Variants in MORF4L1 observed in about 807,000 individuals in gnomAD.
MORF4L1 encodes the protein mortality factor 4 like 1, also known as mortality factor 4-like protein 1.
In MORF4L1, 4 loss-of-function variants were observed where a neutral mutation model predicts 52.9. The observed-to-expected ratio is 0.08, with a 90% CI of 0.04 to 0.17. MORF4L1 has a LOEUF of 0.17. Ranked by LOEUF, MORF4L1 falls within the 10% of genes least tolerant of loss-of-function variation. The pLI, the probability that MORF4L1 is intolerant of heterozygous loss-of-function variation, is 1.00. For synonymous variants in MORF4L1, 123 were observed against 134.8 expected, an observed-to-expected ratio of 0.91 and a Z score of 0.61; for missense variants, 214 against 390.4, an observed-to-expected ratio of 0.55 and a Z score of 3.81.
chr15:78,885,046 G>A, intron 3 of MORF4L1: 1 of 1,614,060 alleles, frequency 6.2e-7, no homozygotes, highest in Non-Finnish European at 8.5e-7. Context: ...TGTTCCTGAA[G>A]GAGCTCCCTC....
At chr15:78,879,646 C>G (rs1032980510) in intron 2 of MORF4L1, among the ~76,000 whole-genome samples, 1 of 151,970 alleles carries the variant, frequency 6.6e-6, no homozygotes, top group African/African-American at 2.4e-5. Flanking sequence ...TGCTAAATTA[C>G]GACTCATGGC....
In MORF4L1 at chr15:78,886,782, C is replaced by T. The variant is rs375891137; in HGVS notation, c.243-487C>T. ...CATCCTGGCTAACACGGTGAAACCC[C>T]GTCTCTACTAAAAATTCAAAAAATT... On this transcript the variant is annotated intron_variant, in intron 4 of 11. Transcript: ENST00000426013. Among the ~76,000 whole-genome samples the T allele has an allele frequency of 2.1e-4, 32 of 152,112 alleles. No homozygotes were observed. The East Asian group carries it at 4.4e-3, about 21-fold the overall frequency.
At chr15:78,886,828 G>A (rs1347654966) in intron 4 of MORF4L1, among the ~76,000 whole-genome samples, 4 of 151,992 alleles carry the variant, frequency 2.6e-5, no homozygotes, top group Admixed American at 1.3e-4. Flanking sequence ...GGTGGCGGGC[G>A]CCTGTAGTCC....
At chr15:78,874,164 A>G (rs539960654) in intron 1 of MORF4L1, among the ~76,000 whole-genome samples, 1 of 152,340 alleles carries the variant, frequency 6.6e-6, no homozygotes, top group African/African-American at 2.4e-5. Flanking sequence ...CTGTTGAGAA[A>G]GGAGGAACAC....
intron 2 of MORF4L1, among the ~76,000 whole-genome samples, chr15:78,879,507 A>G (rs1157836796): frequency 6.6e-6 from 1 of 152,210 alleles, no homozygotes; most frequent in Non-Finnish European, 1.5e-5. Context: ...GGTGTGAGCC[A>G]TTGCCCCTTG....
intron 3 of MORF4L1, chr15:78,884,940 T>G (rs760390916): frequency 6.5e-7 from 1 of 1,540,286 alleles, no homozygotes; most frequent in South Asian, 1.2e-5. Flanking sequence ...TCACTGAGAT[T>G]ACTTTGTACT....
intron 3 of MORF4L1, among the ~76,000 whole-genome samples, chr15:78,884,682 C>T (rs1024245396): frequency 8.5e-6 from 1 of 117,048 alleles, no homozygotes; most frequent in Admixed American, 9.2e-5. Flanking sequence ...CACACACACA[C>T]ACACAAATAT....
chr15:78,875,209 A>AT (rs1294334857), intron 1 of MORF4L1, among the ~76,000 whole-genome samples: 2 of 152,210 alleles, frequency 1.3e-5, no homozygotes, highest in Non-Finnish European at 2.9e-5. Context: ...GTCAAGGCAC[A>AT]AAAAGTTAAT....
chr15:78,879,106 C>G (rs2056550958), intron 2 of MORF4L1, among the ~76,000 whole-genome samples: 1 of 152,018 alleles, frequency 6.6e-6, no homozygotes, highest in South Asian at 2.1e-4. Flanking sequence ...CGCGGTGGCA[C>G]ATGCATGTAG....
chr15:78,877,022 C>T (rs186547598), intron 1 of MORF4L1, among the ~76,000 whole-genome samples: 8 of 151,816 alleles, frequency 5.3e-5, no homozygotes, highest in Admixed American at 5.3e-4. Flanking sequence ...TCACTGCGAC[C>T]TCCAGCTCCT....
intron 5 of MORF4L1, among the ~76,000 whole-genome samples, chr15:78,888,591 C>T (rs540666678): frequency 2.6e-5 from 4 of 151,964 alleles, no homozygotes; most frequent in African/African-American, 9.7e-5. Context: ...AATTACTGAT[C>T]TGATTTTTCT....
chr15:78,879,326 A>G (rs185405191), intron 2 of MORF4L1, among the ~76,000 whole-genome samples: 3 of 152,094 alleles, frequency 2.0e-5, no homozygotes, highest in Admixed American at 6.5e-5. Context: ...GGTTGAAGCA[A>G]TTCTCCTGCC....
At chr15:78,888,372 T>A (rs1292344991) in intron 5 of MORF4L1, among the ~76,000 whole-genome samples, 4 of 151,506 alleles carry the variant, frequency 2.6e-5, no homozygotes, top group Non-Finnish European at 5.9e-5. Context: ...GAGGCCGATG[T>A]GGGAGGGTCA....
chr15:78,879,876 C>T (rs985405420), intron 2 of MORF4L1, among the ~76,000 whole-genome samples: 3 of 151,816 alleles, frequency 2.0e-5, no homozygotes, highest in Admixed American at 1.3e-4. Flanking sequence ...GCTGATTTTT[C>T]TCCTGGCACC....
At chr15:78,894,437 C>T in intron 10 of MORF4L1, 2 of 359,000 alleles carry the variant, frequency 5.6e-6, no homozygotes, top group South Asian at 5.1e-5. Context: ...TTGAGACAGA[C>T]AGTCTCTGTT....
chr15:78,889,708 A>G (rs1365045636), intron 5 of MORF4L1, among the ~76,000 whole-genome samples: 2 of 152,224 alleles, frequency 1.3e-5, no homozygotes, highest in East Asian at 1.9e-4. Context: ...GAGAAAACCT[A>G]TACACAGATT....
At chr15:78,896,097 G>C (rs1186691560) in intron 11 of MORF4L1, among the ~76,000 whole-genome samples, 2 of 152,004 alleles carry the variant, frequency 1.3e-5, no homozygotes, top group South Asian at 2.1e-4. Flanking sequence ...TTGGGCCTCA[G>C]CCTCCCAAGT....
chr15:78,881,934 G>A (rs1686213543), intron 3 of MORF4L1, among the ~76,000 whole-genome samples: 1 of 152,120 alleles, frequency 6.6e-6, no homozygotes, highest in Non-Finnish European at 1.5e-5. Flanking sequence ...AAGTTCACTG[G>A]CCCTGTGACT....
chr15:78,873,523 G>A (rs1483009092), intron 1 of MORF4L1, among the ~76,000 whole-genome samples: 1 of 152,116 alleles, frequency 6.6e-6, no homozygotes, highest in Non-Finnish European at 1.5e-5. Context: ...GGGTGGTTGC[G>A]TTCGGTGGCA....
Sources: allele counts gnomAD v4.1 joint callset (sites outside exome capture counted in the v4.1 genomes callset), GRCh38; gene constraint gnomAD v4.1.1; transcripts MANE v1.5; gene names NCBI Gene and HGNC (gene_info 2026-07-23, HGNC 2026-07-21).